ALG9: variants seen among roughly 807,000 people sequenced by gnomAD.
ALG9 encodes the protein ALG9 alpha-1,2-mannosyltransferase.
ALG9 carries 55 observed loss-of-function variants against 81.8 expected under a neutral mutation model. The ratio of observed to expected loss-of-function variants is 0.67; its 90% confidence interval spans 0.54 to 0.84. The LOEUF (loss-of-function observed/expected upper bound fraction) is 0.84, where lower values mean the gene tolerates loss of function less well. ALG9 is among the 40% of genes least tolerant of loss of function. The pLI, the probability that ALG9 is intolerant of heterozygous loss-of-function variation, is 0.00. For synonymous variants in ALG9, 278 were observed against 274.3 expected, an observed-to-expected ratio of 1.01 and a Z score of -0.13; for missense variants, 629 against 745.0, an observed-to-expected ratio of 0.84 and a Z score of 1.81.
chr11:111,805,053 G>T, intron 14 of ALG9: 1 of 319,204 alleles, frequency 3.1e-6, no homozygotes, highest in Non-Finnish European at 6.2e-6. Context: ...TGGGCTGTTT[G>T]TGTCCCCTCA....
intron 5 of ALG9, among the ~76,000 whole-genome samples, chr11:111,860,298 G>A (rs1262451470): frequency 6.6e-6 from 1 of 152,182 alleles, no homozygotes; most frequent in Non-Finnish European, 1.5e-5. Flanking sequence ...ACGTTTCAAT[G>A]TCCTTACCTG....
chr11:111,851,719 C>T (rs1555138713), intron 8 of ALG9, among the ~76,000 whole-genome samples: 1 of 152,126 alleles, frequency 6.6e-6, no homozygotes, highest in African/African-American at 2.4e-5. Context: ...ACTGTGCAGT[C>T]TAGATCTAAG....
chr11:111,838,038 C>T (rs1173957327), intron 11 of ALG9, among the ~76,000 whole-genome samples: 2 of 152,192 alleles, frequency 1.3e-5, no homozygotes, highest in East Asian at 1.9e-4. Flanking sequence ...AAAAAATGTA[C>T]AGTTAATCAC....
chr11:111,819,466 C>T (rs901455922), intron 13 of ALG9, among the ~76,000 whole-genome samples: 2 of 152,204 alleles, frequency 1.3e-5, no homozygotes, highest in Admixed American at 6.5e-5. Context: ...ATCATGAATC[C>T]TCTAAGAGTC....
chr11:111,853,803 T>A, intron 6 of ALG9, 67 bp from the exon 7 acceptor site: 1 of 1,315,854 alleles, frequency 7.6e-7, no homozygotes, highest in Non-Finnish European at 1.1e-6. Context: ...GATTCACACA[T>A]ACCTCATGCT....
At chr11:111,864,450 C>T (rs1426372614) in intron 4 of ALG9, 3 of 756,098 alleles carry the variant, frequency 4.0e-6, no homozygotes, top group East Asian at 4.9e-5. Flanking sequence ...AAAATCTGTT[C>T]TTTTTTGTAG....
chr11:111,842,652 G>A (rs575729043), intron 9 of ALG9, among the ~76,000 whole-genome samples: 1 of 151,824 alleles, frequency 6.6e-6, no homozygotes, highest in Admixed American at 6.6e-5. Flanking sequence ...TTGAACTCCT[G>A]GGTTCAAGCA....
intron 9 of ALG9, among the ~76,000 whole-genome samples, chr11:111,843,095 AT>A (rs1337827416): frequency 6.6e-6 from 1 of 152,150 alleles, no homozygotes; most frequent in African/African-American, 2.4e-5. Flanking sequence ...ATCATAAATT[AT>A]TTTTATAGTC....
At chr11:111,847,356 C>T (rs1208144711) in intron 8 of ALG9, among the ~76,000 whole-genome samples, 2 of 152,220 alleles carry the variant, frequency 1.3e-5, no homozygotes, top group Non-Finnish European at 2.9e-5. Flanking sequence ...AACTTTCCAT[C>T]CAGTGATCAG....
intron 14 of ALG9, among the ~76,000 whole-genome samples, chr11:111,804,859 C>T (rs1415738633): frequency 1.3e-5 from 2 of 152,170 alleles, no homozygotes; most frequent in Admixed American, 6.5e-5. Flanking sequence ...ATTGCTGGTA[C>T]GAACGCAAAA....
At chr11:111,836,132 T>G (rs1555117250) in intron 13 of ALG9, 33 bp downstream of exon 13, 1 of 1,613,110 alleles carries the variant, frequency 6.2e-7, no homozygotes, top group East Asian at 2.2e-5. Flanking sequence ...TAGAATTCTT[T>G]TCAGAGAAGC....
intron 13 of ALG9, among the ~76,000 whole-genome samples, chr11:111,818,663 C>T (rs1408599765): frequency 6.6e-6 from 1 of 152,162 alleles, no homozygotes; most frequent in African/African-American, 2.4e-5. Context: ...CTTCTCAAAA[C>T]ATTTTACAAT....
intron 3 of ALG9, among the ~76,000 whole-genome samples, chr11:111,867,143 C>T (rs549240296): frequency 2.0e-5 from 3 of 152,066 alleles, no homozygotes; most frequent in Non-Finnish European, 4.4e-5. Context: ...AATGAGATAC[C>T]GGATAGGGAA....
rs1555122913 is a variant in ALG9, at chr11:111,840,724, C to T, written c.1104G>A (p.Glu368=). 2.5e-6 allele frequency: 4 copies of T among 1,614,046 alleles called. No homozygotes were observed. Among genetic ancestry groups the T allele is most frequent in the Non-Finnish European group, 3.4e-6 (4 of 1,179,990 alleles). ...FIIFFIQPHK[E]ERFLFPVYPL... ...GATACACAGGGAAAAGAAATCTCTC[C>T]TCTTTGTGAGGCTGGATGAAGAAAA... The change falls in exon 10 of 15, where the codon GAG becomes GAA. Residue 368 remains glutamate, a synonymous_variant. Transcript: ENST00000616540.
intron 14 of ALG9, among the ~76,000 whole-genome samples, chr11:111,788,002 C>G (rs1946731597): frequency 6.6e-6 from 1 of 152,058 alleles, no homozygotes; most frequent in Non-Finnish European, 1.5e-5. Flanking sequence ...TTTATCATTT[C>G]CTAGAAAAAG....
chr11:111,840,856 A>G, intron 9 of ALG9, 47 bp from the exon 10 acceptor site: 1 of 1,606,878 alleles, frequency 6.2e-7, no homozygotes, highest in Non-Finnish European at 8.5e-7. Flanking sequence ...TTAGAACAAA[A>G]CAACATATTT....
At chr11:111,769,310 CAAAA>C in the ALG9 span, 12 of 69,812 alleles carry the variant, frequency 1.7e-4, no homozygotes, top group East Asian at 1.3e-3. Flanking sequence ...GACCCTGTCT[CAAAA>C]AAAAAAAAAA....
At chr11:111,860,373 T>C (rs1178751858) in intron 5 of ALG9, among the ~76,000 whole-genome samples, 174 bp downstream of exon 5, 1 of 152,240 alleles carries the variant, frequency 6.6e-6, no homozygotes, top group Non-Finnish European at 1.5e-5. Context: ...ATCAAGATAA[T>C]GTAGATAACA....
intron 13 of ALG9, among the ~76,000 whole-genome samples, chr11:111,814,888 C>CT (rs1387380021): frequency 7.2e-5 from 11 of 152,206 alleles, no homozygotes; most frequent in Non-Finnish European, 1.5e-5. Context: ...TTTTTAAAAG[C>CT]TTTACAAGTG....
Sources: gnomAD v4.1 joint callset for allele counts (sites outside exome capture counted in the v4.1 genomes callset) on GRCh38, gnomAD v4.1.1 for gene constraint, MANE v1.5 for transcripts, NCBI Gene and HGNC (gene_info 2026-07-23, HGNC 2026-07-21) for gene names.